The following DARS1 variants were observed in gnomAD, a reference collection of about 807,000 sequenced individuals.
DARS1 encodes the protein aspartyl-tRNA synthetase 1, also known as aspartate--tRNA ligase, cytoplasmic.
Under a neutral mutation model 68.8 loss-of-function variants are expected in DARS1, and 51 were observed. The ratio of observed to expected loss-of-function variants is 0.74; its 90% CI spans 0.59 to 0.94. The LOEUF is 0.94. Ranked by LOEUF, DARS1 falls within the 40% of genes least tolerant of loss-of-function variation. The pLI is 0.00. For synonymous variants in DARS1, 203 were observed against 190.4 expected (o/e 1.07, Z -0.55); for missense variants, 607 against 597.3 (o/e 1.02, Z -0.17).
In DARS1 at chr2:135,906,386, G is replaced by A. The variant is rs1461407404; in HGVS notation, c.*930C>T. Among the ~76,000 whole-genome samples the A allele has an allele frequency of 1.3e-5, 2 of 152,124 alleles. No homozygotes were observed. Among genetic ancestry groups the A allele is most frequent in the African/African-American group, 4.8e-5 (2 of 41,436 alleles). On this transcript the variant is annotated 3_prime_UTR_variant, in exon 16 of 16. Coordinates refer to ENST00000264161, the MANE Select transcript of DARS1 (RefSeq NM_001349.4). ...AATTTCTTTTTGACGGATAAGATGG[G>A]ACTGGATTTTACTGACATTCACTAA...
intron 5 of DARS1, among the ~76,000 whole-genome samples, chr2:135,940,686 AG>A (rs1681575670): frequency 6.6e-6 from 1 of 152,222 alleles, no homozygotes; most frequent in Admixed American, 6.5e-5. Flanking sequence ...AAAGGAATAA[AG>A]GGTATTCAAT....
At chr2:135,960,965 C>G (rs1259774262) in intron 4 of DARS1, among the ~76,000 whole-genome samples, 1 of 152,178 alleles carries the variant, frequency 6.6e-6, no homozygotes, top group Non-Finnish European at 1.5e-5. Flanking sequence ...TGGAGGCAAT[C>G]ATTTGCCAAA....
chr2:135,983,109 T>C (rs558921535), intron 2 of DARS1, among the ~76,000 whole-genome samples: 107 of 152,312 alleles, frequency 7.0e-4, no homozygotes, highest in African/African-American at 2.3e-3. Flanking sequence ...TAGACAACGG[T>C]TGAATCTTAC....
At chr2:135,932,949 T>C (rs1681385425) in intron 6 of DARS1, 107 bp from the exon 7 acceptor site, 1 of 620,652 alleles carries the variant, frequency 1.6e-6, no homozygotes, top group Non-Finnish European at 2.8e-6. Context: ...GTAGGATGTG[T>C]GTACGTTAAT....
At chr2:135,945,127 A>T (rs1218554805) in intron 4 of DARS1, among the ~76,000 whole-genome samples, 1 of 148,492 alleles carries the variant, frequency 6.7e-6, no homozygotes, top group African/African-American at 2.5e-5. Flanking sequence ...AGTCAAACAC[A>T]TCTACTTTTT....
chr2:135,907,660 C>A (rs1463494698), intron 15 of DARS1, among the ~76,000 whole-genome samples: 1 of 152,026 alleles, frequency 6.6e-6, no homozygotes, highest in African/African-American at 2.4e-5. Flanking sequence ...CCACAAAAAT[C>A]TATACGAATG....
At chr2:135,911,025 T>C (rs1446267588) in intron 15 of DARS1, 114 bp downstream of exon 15, 1 of 599,734 alleles carries the variant, frequency 1.7e-6, no homozygotes, top group East Asian at 2.9e-5. Flanking sequence ...ATTTTGTTTC[T>C]TGGAAATCAA....
chr2:135,959,732 T>C (rs1682060835), intron 4 of DARS1, among the ~76,000 whole-genome samples: 1 of 152,212 alleles, frequency 6.6e-6, no homozygotes. Flanking sequence ...GTCAGTAGAA[T>C]GCCTCTCACT....
intron 3 of DARS1, among the ~76,000 whole-genome samples, chr2:135,969,841 T>C (rs776841359): frequency 3.9e-5 from 6 of 152,224 alleles, no homozygotes; most frequent in Non-Finnish European, 7.3e-5. Context: ...TTCACGCTTA[T>C]GGTCACAATA....
Position 135,907,310 on chromosome 2 carries a change from G to A in DARS1, c.*6C>T. On this transcript the variant is annotated 3_prime_UTR_variant, in exon 16 of 16. Coordinates refer to ENST00000264161, the MANE Select transcript of DARS1 (RefSeq NM_001349.4). ...CCACACTGGAGTTAAGTGGCAAAGT[G>A]TGAATTTAAGGAGTGAGTCGTTTGG... The A allele has an allele frequency of 1.3e-6, 2 of 1,545,942 alleles. No homozygotes were observed. The highest frequency in any genetic ancestry group is 1.8e-6 in the Non-Finnish European group (2 of 1,138,750).
At chr2:135,941,383 A>C (rs1253188664) in intron 5 of DARS1, among the ~76,000 whole-genome samples, 1 of 152,232 alleles carries the variant, frequency 6.6e-6, no homozygotes, top group Non-Finnish European at 1.5e-5. Flanking sequence ...ATATTTGACA[A>C]ACCTGAGAAA....
rs574904454 is a variant in DARS1 at position 135,968,959 on chromosome 2, G to C, written c.218-7461C>G. The stretch of plus-strand genomic sequence containing the variant: ...ATTACACATGTGAGCCACCGTGCCT[G>C]ACCAGGATTAAGTTTCAATATAGCA... On this transcript the variant is annotated intron_variant, in intron 3 of 15. Coordinates refer to ENST00000264161, the MANE Select transcript of DARS1 (RefSeq NM_001349.4). Among the ~76,000 whole-genome samples the C allele has an allele frequency of 1.5e-3, 234 of 152,248 alleles. 2 individuals are homozygous for C. Among genetic ancestry groups the C allele is most frequent in the African/African-American group, 5.2e-3 (217 of 41,532 alleles).
chr2:135,973,149 C>T (rs1016882311), intron 3 of DARS1, among the ~76,000 whole-genome samples: 2 of 152,134 alleles, frequency 1.3e-5, no homozygotes, highest in African/African-American at 4.8e-5. Flanking sequence ...GCATTCACAA[C>T]AGCCAATATT....
intron 5 of DARS1, among the ~76,000 whole-genome samples, chr2:135,940,534 C>G (rs899867144): frequency 3.3e-5 from 5 of 152,092 alleles, no homozygotes; most frequent in Non-Finnish European, 5.9e-5. Flanking sequence ...CTATCTATGA[C>G]AAACCCACAG....
In DARS1 at chr2:135,979,341, G is replaced by T; in HGVS notation, c.150C>A (p.Asp50Glu). The stretch of plus-strand genomic sequence containing the variant: ...CTTCATCAGCTTTTTGTATTGTCAA[G>T]TCTCTAACCCGAACCAAAACTCGAT... Reference protein sequence around the residue: ...KPDRVLVRVRDLTIQKADEVV... With the variant: ...KPDRVLVRVRELTIQKADEVV... Residue 50 changes from aspartate (D) to glutamate (E), a missense_variant, in exon 3 of 16, where the codon GAC becomes GAA. Transcript: ENST00000264161. 1 of 1,475,650 alleles carries T rather than the reference G, an allele frequency of 6.8e-7. No individual in the cohort carries two copies. The highest frequency in any genetic ancestry group is 9.5e-7 in the Non-Finnish European group (1 of 1,053,460). 91.4% of individuals were successfully genotyped at this position (1,475,650 alleles called of 1,614,324 possible).
At chr2:135,950,085 G>C (rs1681809371) in intron 4 of DARS1, among the ~76,000 whole-genome samples, 1 of 152,100 alleles carries the variant, frequency 6.6e-6, no homozygotes, top group Non-Finnish European at 1.5e-5. Context: ...TTTTCCACCT[G>C]GTATATGGCC....
chr2:135,965,361 G>A (rs1416219228), intron 3 of DARS1, among the ~76,000 whole-genome samples: 1 of 152,014 alleles, frequency 6.6e-6, no homozygotes, highest in African/African-American at 2.4e-5. Context: ...AAAGATTTAT[G>A]AGAAAAGAAC....
intron 13 of DARS1, among the ~76,000 whole-genome samples, chr2:135,912,281 CAT>C (rs1424531046): frequency 6.6e-6 from 1 of 152,180 alleles, no homozygotes; most frequent in East Asian, 1.9e-4. Context: ...ATGATTTTAA[CAT>C]AGGTTTTTAA....
At chr2:135,951,482 T>C (rs1681837670) in intron 4 of DARS1, among the ~76,000 whole-genome samples, 1 of 152,268 alleles carries the variant, frequency 6.6e-6, no homozygotes, top group Non-Finnish European at 1.5e-5. Context: ...ATCCATTCAC[T>C]AGCAAACCCT....
Sources: allele counts gnomAD v4.1 joint callset (sites outside exome capture counted in the v4.1 genomes callset), GRCh38; gene constraint gnomAD v4.1.1; transcripts MANE v1.5; gene names NCBI Gene and HGNC (gene_info 2026-07-23, HGNC 2026-07-21).